The following TENM3 variants were observed in gnomAD, a reference collection of about 807,000 sequenced individuals.
TENM3 encodes the protein teneurin-3.
TENM3 carries 63 observed loss-of-function variants against 255.1 expected under a neutral mutation model. The observed-to-expected ratio is 0.25, with a 90% CI of 0.20 to 0.30. The LOEUF (loss-of-function observed/expected upper bound fraction) is 0.30. Ranked by LOEUF, TENM3 falls within the 10% of genes least tolerant of loss-of-function variation. The pLI is 1.00. For synonymous variants in TENM3, 1,306 were observed against 1,322.3 expected, an observed-to-expected ratio of 0.99 and a Z score of 0.27; for missense variants, 2,929 against 3,461.1, an observed-to-expected ratio of 0.85 and a Z score of 3.86.
At chr4:182,403,338 G>T (rs1159998135) in intron 3 of TENM3, among the ~76,000 whole-genome samples, 1 of 152,188 alleles carries the variant, frequency 6.6e-6, no homozygotes, top group East Asian at 1.9e-4. Flanking sequence ...AAAAAGGTCT[G>T]TAATAAATAA....
At chr4:182,263,448 T>C (rs1230192144) in intron 1 of TENM3, among the ~76,000 whole-genome samples, 3 of 152,138 alleles carry the variant, frequency 2.0e-5, no homozygotes, top group Non-Finnish European at 2.9e-5. Flanking sequence ...GGCCCCTCTC[T>C]ATAAAGTCCG....
Position 182,389,691 on chromosome 4 carries a change from C to CTTTT in TENM3, c.511+42771_511+42774dup, listed in dbSNP as rs3072378. Among the ~76,000 whole-genome samples, 9 of 133,202 alleles carry CTTTT rather than the reference C, an allele frequency of 6.8e-5. 4 individuals carry two copies. Among genetic ancestry groups the CTTTT allele is most frequent in the Non-Finnish European group, 9.4e-5 (6 of 64,058 alleles). The allele number at this position is 133,202 out of a possible 152,430, so 87.4% of individuals were successfully genotyped here. Reference sequence around the variant, plus strand: ...CAAAGCTGCACTGCAGTAGATGACTCTTTTTTTTTTTTGAGACGGAGTCTC... The same window carrying CTTTT: ...CAAAGCTGCACTGCAGTAGATGACTCTTTTTTTTTTTTTTTTGAGACGGAGTCTC... On this transcript the variant is annotated intron_variant, in intron 3 of 27. Coordinates refer to ENST00000511685, the MANE Select transcript of TENM3 (RefSeq NM_001080477.4).
chr4:182,234,471 G>A (rs982331432), intron 1 of TENM3, among the ~76,000 whole-genome samples: 23 of 152,264 alleles, frequency 1.5e-4, no homozygotes, highest in African/African-American at 3.1e-4. Flanking sequence ...AGTGGCTCAC[G>A]CCTGTAATCC....
At chr4:181,734,693 G>T in the TENM3 span, among the ~76,000 whole-genome samples, 6 of 152,106 alleles carry the variant, frequency 3.9e-5, no homozygotes, top group Admixed American at 1.3e-4. Context: ...CACAGAAAAA[G>T]AATTCTCTGC....
At chr4:181,956,210 A>T in the TENM3 span, among the ~76,000 whole-genome samples, 2 of 152,096 alleles carry the variant, frequency 1.3e-5, no homozygotes, top group Non-Finnish European at 2.9e-5. Context: ...TCCATGATCT[A>T]ATCACCTCCC....
At chr4:182,018,982 C>A in the TENM3 span, among the ~76,000 whole-genome samples, 2 of 152,186 alleles carry the variant, frequency 1.3e-5, no homozygotes, top group African/African-American at 4.8e-5. Context: ...CTACCCCCAG[C>A]ATTACCAAAA....
chr4:181,534,780 T>C, the TENM3 span, among the ~76,000 whole-genome samples: 4 of 152,150 alleles, frequency 2.6e-5, no homozygotes, highest in Admixed American at 2.6e-4. Flanking sequence ...CCTGGCCCTG[T>C]TGCATCTTCC....
the TENM3 span, among the ~76,000 whole-genome samples, chr4:181,556,804 C>T: frequency 3.3e-5 from 5 of 152,200 alleles, no homozygotes; most frequent in South Asian, 1.0e-3. Flanking sequence ...TTGTTCTTCT[C>T]GAAATTTTGC....
chr4:182,513,901 G>C (rs1737668969), intron 3 of TENM3, among the ~76,000 whole-genome samples: 1 of 152,214 alleles, frequency 6.6e-6, no homozygotes, highest in African/African-American at 2.4e-5. Flanking sequence ...GGTACAGAGA[G>C]CTCTTGTGCC....
chr4:181,742,385 A>G, the TENM3 span, among the ~76,000 whole-genome samples: 10 of 152,120 alleles, frequency 6.6e-5, no homozygotes, highest in Non-Finnish European at 1.3e-4. Flanking sequence ...CTTAAAAAAT[A>G]TCTATATATC....
the TENM3 span, among the ~76,000 whole-genome samples, chr4:181,952,579 C>T: frequency 6.6e-6 from 1 of 152,196 alleles, no homozygotes; most frequent in East Asian, 1.9e-4. Context: ...TTCATTAGGC[C>T]TTGTGCTAGG....
chr4:181,644,895 C>T, the TENM3 span, among the ~76,000 whole-genome samples: 1 of 151,832 alleles, frequency 6.6e-6, no homozygotes, highest in Admixed American at 6.6e-5. Context: ...CTTGAACAGC[C>T]AAATAAAAAT....
chr4:182,774,918 A>T lies in TENM3; in HGVS notation c.5069A>T (p.Asp1690Val). 1 of 1,604,934 alleles carries T rather than the reference A, an allele frequency of 6.2e-7. No homozygotes were observed. Among genetic ancestry groups the T allele is most frequent in the Non-Finnish European group, 8.5e-7 (1 of 1,172,890 alleles). ...SIDSFYTMVQ[D>V]QLRNSYQIGY... ...ATGTTTTGTGCTTCTTGTTCTTTAG[A>T]TCAGTTAAGAAACAGCTACCAGATT... The change falls in exon 24 of 28, where the codon GAT (aspartate) becomes GTT (valine). Residue 1690 changes from aspartate (D) to valine (V), a missense_variant and splice_region_variant. Coordinates refer to ENST00000511685, the MANE Select transcript of TENM3 (RefSeq NM_001080477.4).
the TENM3 span, among the ~76,000 whole-genome samples, chr4:181,533,203 T>C: frequency 6.6e-6 from 1 of 152,082 alleles, no homozygotes; most frequent in South Asian, 2.1e-4. Context: ...AGGAAATAAA[T>C]GTAACCCTTA....
At chr4:182,351,987 T>A (rs1765212200) in intron 3 of TENM3, among the ~76,000 whole-genome samples, 1 of 152,268 alleles carries the variant, frequency 6.6e-6, no homozygotes, top group African/African-American at 2.4e-5. Context: ...AGGTGGAAAA[T>A]TATATCTGTT....
the TENM3 span, among the ~76,000 whole-genome samples, chr4:181,476,746 G>A: frequency 6.6e-6 from 1 of 152,106 alleles, no homozygotes; most frequent in South Asian, 2.1e-4. Context: ...GCTGGTGATG[G>A]CCATAGTCAA....
At chr4:181,928,181 T>G in the TENM3 span, among the ~76,000 whole-genome samples, 2 of 151,956 alleles carry the variant, frequency 1.3e-5, no homozygotes, top group Non-Finnish European at 2.9e-5. Flanking sequence ...AGAATGAGTT[T>G]GATGAATTAA....
chr4:181,838,955 A>AT, the TENM3 span, among the ~76,000 whole-genome samples: 3 of 151,488 alleles, frequency 2.0e-5, no homozygotes, highest in Non-Finnish European at 4.4e-5. Flanking sequence ...TGTTTTATTT[A>AT]TTAATTCTTA....
At chr4:182,027,751 A>G in the TENM3 span, among the ~76,000 whole-genome samples, 35 of 152,080 alleles carry the variant, frequency 2.3e-4, no homozygotes, top group South Asian at 1.4e-3. Flanking sequence ...CATTTTGTCA[A>G]TATGATGTAT....
Sources: allele counts gnomAD v4.1 joint callset (sites outside exome capture counted in the v4.1 genomes callset), GRCh38; gene constraint gnomAD v4.1.1; transcripts MANE v1.5; gene names NCBI Gene and HGNC (gene_info 2026-07-23, HGNC 2026-07-21).